METTL15: variants seen among roughly 807,000 people sequenced by gnomAD.
The protein encoded by METTL15 is 12S rRNA N(4)-cytidine methyltransferase METTL15.
In METTL15, 34 loss-of-function variants were observed where a neutral mutation model predicts 38.3. That is an observed-to-expected ratio of 0.89 (90% CI 0.68 to 1.18). The LOEUF is 1.18. Ranked by LOEUF, METTL15 falls within the 50% of genes most tolerant of loss-of-function variation. METTL15 has a pLI of 0.00. For missense variants in METTL15, 438 were observed against 498.4 expected, an observed-to-expected ratio of 0.88 and a Z score of 1.15; for synonymous variants, 162 against 170.9, an observed-to-expected ratio of 0.95 and a Z score of 0.41.
At chr11:28,208,822 C>G (rs1852490440) in intron 3 of METTL15, among the ~76,000 whole-genome samples, 1 of 151,902 alleles carries the variant, frequency 6.6e-6, no homozygotes, top group South Asian at 2.1e-4. Flanking sequence ...AATTGGCTCC[C>G]TTTTCAATTG....
intron 3 of METTL15, among the ~76,000 whole-genome samples, chr11:28,161,337 C>T (rs1057485980): frequency 3.3e-5 from 5 of 151,820 alleles, no homozygotes; most frequent in Non-Finnish European, 7.4e-5. Flanking sequence ...GCTAGGCTGG[C>T]TCCAACTCCT....
intron 5 of METTL15, among the ~76,000 whole-genome samples, chr11:28,382,369 G>A (rs962093500): frequency 6.6e-6 from 1 of 152,158 alleles, no homozygotes; most frequent in East Asian, 1.9e-4. Context: ...TTAGGCACTT[G>A]TGATGTTTCC....
intron 3 of METTL15, among the ~76,000 whole-genome samples, chr11:28,140,929 G>T (rs1182624434): frequency 6.6e-6 from 1 of 152,104 alleles, no homozygotes; most frequent in Admixed American, 6.6e-5. Context: ...AAGGTGGGAG[G>T]TTCTCCAGGG....
At chr11:28,169,415 TATA>T (rs111934152) in intron 3 of METTL15, among the ~76,000 whole-genome samples, 5,021 of 152,208 alleles carry the variant, frequency 0.033, 279 homozygotes, top group African/African-American at 0.11. Context: ...TTCATATTTC[TATA>T]ATATTTTTAA....
intron 5 of METTL15, 109 bp downstream of exon 5, chr11:28,290,506 A>G (rs1375284950): frequency 2.3e-6 from 2 of 886,488 alleles, no homozygotes; most frequent in Admixed American, 2.3e-5. Flanking sequence ...GCCTACACCT[A>G]ACACTACCAA....
intron 3 of METTL15, among the ~76,000 whole-genome samples, chr11:28,344,857 A>G (rs1015014521): frequency 1.3e-5 from 2 of 152,226 alleles, no homozygotes; most frequent in Non-Finnish European, 2.9e-5. Flanking sequence ...GTAATTATAC[A>G]TGTTTGAGAA....
intron 3 of METTL15, among the ~76,000 whole-genome samples, chr11:28,341,185 G>A (rs1043450631): frequency 6.6e-6 from 1 of 152,160 alleles, no homozygotes; most frequent in Non-Finnish European, 1.5e-5. Context: ...TGGGGGGCTA[G>A]GGGAGGGATA....
intron 6 of METTL15, among the ~76,000 whole-genome samples, chr11:28,300,215 A>G (rs1023733796): frequency 6.6e-6 from 1 of 152,152 alleles, no homozygotes; most frequent in Non-Finnish European, 1.5e-5. Flanking sequence ...ATATGCAATG[A>G]CTATATTTAA....
intron 5 of METTL15, among the ~76,000 whole-genome samples, chr11:28,414,350 C>T (rs1564924566): frequency 6.6e-6 from 1 of 152,002 alleles, no homozygotes; most frequent in East Asian, 1.9e-4. Context: ...CTTTCCGAAC[C>T]TGTTCAATCT....
chr11:28,316,537 ATAAGT>A (rs1287520820), intron 6 of METTL15, among the ~76,000 whole-genome samples: 2 of 152,200 alleles, frequency 1.3e-5, no homozygotes, highest in Non-Finnish European at 2.9e-5. Flanking sequence ...TACTGCTGAA[ATAAGT>A]TAAGAGTTTG....
At chr11:28,437,267 C>T (rs1191335629) in intron 6 of METTL15, among the ~76,000 whole-genome samples, 1 of 152,172 alleles carries the variant, frequency 6.6e-6, no homozygotes, top group Non-Finnish European at 1.5e-5. Context: ...AGTCGATTCT[C>T]CTTAATAAAC....
intron 4 of METTL15, among the ~76,000 whole-genome samples, chr11:28,236,243 A>T: frequency 6.6e-6 from 1 of 152,026 alleles, no homozygotes; most frequent in African/African-American, 2.4e-5. Context: ...ATCAATGTTC[A>T]TCAAGGATAT....
chr11:28,426,383 A>G (rs1006290802), intron 6 of METTL15, among the ~76,000 whole-genome samples: 1 of 152,096 alleles, frequency 6.6e-6, no homozygotes, highest in African/African-American at 2.4e-5. Flanking sequence ...GCTATTGTGA[A>G]TAGTGCTGCA....
At chr11:28,252,328 T>G (rs1439151761) in intron 4 of METTL15, among the ~76,000 whole-genome samples, 1 of 152,094 alleles carries the variant, frequency 6.6e-6, no homozygotes, top group Non-Finnish European at 1.5e-5. Context: ...ATCACAGATT[T>G]CAAAGAACAT....
At chr11:28,458,191 T>G (rs898317550) in intron 6 of METTL15, among the ~76,000 whole-genome samples, 5 of 152,228 alleles carry the variant, frequency 3.3e-5, no homozygotes, top group Admixed American at 1.3e-4. Flanking sequence ...AACTGTTACA[T>G]TTTTATGGAG....
At chr11:28,423,580 T>C (rs1850839581) in intron 5 of METTL15, among the ~76,000 whole-genome samples, 2 of 152,138 alleles carry the variant, frequency 1.3e-5, no homozygotes, top group Admixed American at 1.3e-4. Flanking sequence ...GGTTATTATG[T>C]TAAGTGAAAT....
chr11:28,251,460 G>A (rs140118415), intron 4 of METTL15, among the ~76,000 whole-genome samples: 1 of 152,102 alleles, frequency 6.6e-6, no homozygotes, highest in African/African-American at 2.4e-5. Flanking sequence ...TATTTGGCTA[G>A]GTCATCAATT....
intron 4 of METTL15, among the ~76,000 whole-genome samples, chr11:28,287,949 A>G (rs1856351161): frequency 1.3e-5 from 2 of 149,258 alleles, no homozygotes; most frequent in African/African-American, 2.5e-5. Context: ...TGCAACCCCT[A>G]TGTGACCCTG....
At chr11:28,482,134 A>T (rs1415238871) in intron 6 of METTL15, among the ~76,000 whole-genome samples, 2 of 152,164 alleles carry the variant, frequency 1.3e-5, no homozygotes, top group Non-Finnish European at 2.9e-5. Context: ...AAATAGCATC[A>T]TCAGCAGAAG....
Sources: allele counts gnomAD v4.1 joint callset (sites outside exome capture counted in the v4.1 genomes callset), GRCh38; gene constraint gnomAD v4.1.1; transcripts MANE v1.5; gene names NCBI Gene and HGNC (gene_info 2026-07-23, HGNC 2026-07-21).